ZFP1: variants seen among roughly 807,000 people sequenced by gnomAD.
ZFP1 encodes the protein zinc finger protein 1 homolog.
In ZFP1, 32 loss-of-function variants were observed where a neutral mutation model predicts 38.5. The ratio of observed to expected loss-of-function variants is 0.83; its 90% CI spans 0.63 to 1.12. ZFP1 has a LOEUF of 1.12. Among genes scored for constraint, ZFP1 ranks in the 50% most tolerant of loss-of-function variants. ZFP1 has a pLI of 0.00. For missense variants in ZFP1, 616 were observed against 480.8 expected (o/e 1.28, Z -2.63); for synonymous variants, 245 against 168.8 (o/e 1.45, Z -3.50).
the ZFP1 span, among the ~76,000 whole-genome samples, chr16:75,139,456 T>A: frequency 4.6e-4 from 68 of 146,722 alleles, no homozygotes; most frequent in African/African-American, 1.6e-3. Context: ...CTTAAGGAGG[T>A]TGAACCAGGA....
chr16:75,131,918 T>C, the ZFP1 span, among the ~76,000 whole-genome samples: 1 of 150,670 alleles, frequency 6.6e-6, no homozygotes. Flanking sequence ...TGAGCCAAGA[T>C]CACACCACTG....
At chr16:75,139,904 C>A in the ZFP1 span, among the ~76,000 whole-genome samples, 1 of 152,122 alleles carries the variant, frequency 6.6e-6, no homozygotes, top group Non-Finnish European at 1.5e-5. Context: ...GTATTTAATA[C>A]CTCTGAACTG....
chr16:75,157,558 G>C (rs1279103859), intron 2 of ZFP1, among the ~76,000 whole-genome samples: 1 of 151,842 alleles, frequency 6.6e-6, no homozygotes, highest in Non-Finnish European at 1.5e-5. Context: ...TTCTGTTCTG[G>C]TATTTGATTG....
the ZFP1 span, among the ~76,000 whole-genome samples, chr16:75,138,880 G>A: frequency 6.6e-6 from 1 of 152,194 alleles, no homozygotes; most frequent in Non-Finnish European, 1.5e-5. Flanking sequence ...CAGCTGCCCA[G>A]TATGTGGTCC....
the ZFP1 span, among the ~76,000 whole-genome samples, chr16:75,119,024 C>G: frequency 2.6e-5 from 4 of 152,202 alleles, no homozygotes; most frequent in Non-Finnish European, 5.9e-5. Flanking sequence ...CAATGTTCAT[C>G]TTACGTATGT....
the ZFP1 span, among the ~76,000 whole-genome samples, chr16:75,141,039 G>C: frequency 0.037 from 5,580 of 152,078 alleles, 354 homozygotes; most frequent in African/African-American, 0.13. Context: ...AACCTGGCAA[G>C]GAGAAGAGAA....
chr16:75,166,066 T>TGTCCTTACC (rs1228954373), intron 2 of ZFP1, among the ~76,000 whole-genome samples: 1 of 152,184 alleles, frequency 6.6e-6, no homozygotes, highest in Admixed American at 6.5e-5. Context: ...AGATCCTTAC[T>TGTCCTTACC]TGTACCTGGT....
At chr16:75,127,004 A>G in the ZFP1 span, among the ~76,000 whole-genome samples, 1 of 152,218 alleles carries the variant, frequency 6.6e-6, no homozygotes, top group Admixed American at 6.5e-5. Context: ...AGAAACTCCT[A>G]TAATTCTGAT....
At chr16:75,161,774 A>ATTTTTTTTTTTTTT in intron 2 of ZFP1, among the ~76,000 whole-genome samples, 4 of 7,818 alleles carry the variant, frequency 5.1e-4, no homozygotes, top group Non-Finnish European at 1.1e-3. Flanking sequence ...ATATATATAT[A>ATTTTTTTTTTTTTT]TTTTTTTTTT....
the ZFP1 span, among the ~76,000 whole-genome samples, chr16:75,125,236 A>G: frequency 4.2e-4 from 63 of 151,504 alleles, no homozygotes; most frequent in East Asian, 0.012. Context: ...TCCAGCTGGG[A>G]CAACAGAGCA....
the ZFP1 span, among the ~76,000 whole-genome samples, chr16:75,121,883 A>G: frequency 6.6e-6 from 1 of 152,224 alleles, no homozygotes; most frequent in Non-Finnish European, 1.5e-5. Context: ...TGTCTGAAGA[A>G]TTGCCAGCAT....
the ZFP1 span, among the ~76,000 whole-genome samples, chr16:75,128,711 C>G: frequency 6.6e-6 from 1 of 152,182 alleles, no homozygotes; most frequent in African/African-American, 2.4e-5. Context: ...GCCCTGTGAA[C>G]TGAAGCTGGA....
intron 3 of ZFP1, among the ~76,000 whole-genome samples, chr16:75,167,610 C>CT (rs982060257): frequency 2.0e-5 from 3 of 152,034 alleles, no homozygotes; most frequent in South Asian, 2.1e-4. Context: ...TTGGTAGAAT[C>CT]TTTTTTTGAG....
intron 3 of ZFP1, among the ~76,000 whole-genome samples, chr16:75,168,701 G>C (rs945961579): frequency 2.6e-5 from 4 of 152,184 alleles, no homozygotes; most frequent in Non-Finnish European, 5.9e-5. Context: ...AAACCTATGA[G>C]AAGTGCTGTT....
intron 1 of ZFP1, among the ~76,000 whole-genome samples, chr16:75,151,712 C>T (rs925898007): frequency 6.6e-6 from 1 of 152,146 alleles, no homozygotes; most frequent in Non-Finnish European, 1.5e-5. Flanking sequence ...TTTAGATAAT[C>T]TTTCACAGTG....
At chr16:75,163,259 TATC>T (rs1488262481) in intron 2 of ZFP1, among the ~76,000 whole-genome samples, 1 of 152,034 alleles carries the variant, frequency 6.6e-6, no homozygotes, top group Non-Finnish European at 1.5e-5. Flanking sequence ...TTACTGTCTC[TATC>T]ATATGAGGAT....
At chr16:75,123,353 A>AAT in the ZFP1 span, among the ~76,000 whole-genome samples, 1 of 145,750 alleles carries the variant, frequency 6.9e-6, no homozygotes, top group Admixed American at 6.8e-5. Flanking sequence ...CTCTGTCTAA[A>AAT]ATATATATAT....
chr16:75,158,620 TTTTA>T (rs1225103240), intron 2 of ZFP1, among the ~76,000 whole-genome samples: 1 of 128,656 alleles, frequency 7.8e-6, no homozygotes, highest in Admixed American at 9.5e-5. Context: ...TGGTTTATTA[TTTTA>T]TTTGTGATTT....
At chr16:75,138,283 C>A in the ZFP1 span, among the ~76,000 whole-genome samples, 1,410 of 152,072 alleles carry the variant, frequency 9.3e-3, 25 homozygotes, top group African/African-American at 0.031. Flanking sequence ...GATCCACCCA[C>A]CTTGGCCTCC....
Sources: gnomAD v4.1 joint callset for allele counts (sites outside exome capture counted in the v4.1 genomes callset) on GRCh38, gnomAD v4.1.1 for gene constraint, MANE v1.5 for transcripts, NCBI Gene and HGNC (gene_info 2026-07-23, HGNC 2026-07-21) for gene names.